The following RDH13 variants were observed in gnomAD, a reference collection of about 807,000 sequenced individuals.
The protein encoded by RDH13 is retinol dehydrogenase 13 (all-trans and 9-cis).
A neutral mutation model predicts 28.3 loss-of-function variants in RDH13; 35 were observed. The observed-to-expected ratio is 1.24, with a 90% CI of 0.95 to 1.64. The LOEUF (loss-of-function observed/expected upper bound fraction) is 1.64. Among genes scored for constraint, RDH13 ranks in the 40% most tolerant of loss-of-function variants. The pLI is 0.00. For synonymous variants in RDH13, 229 were observed against 198.5 expected (o/e 1.15, Z -1.29); for missense variants, 514 against 446.3 (o/e 1.15, Z -1.37).
Position 55,063,108 on chromosome 19 carries a change from GAGGA to G in RDH13, c.-80_-77del. 8.3e-7 allele frequency: 1 copy of G among 1,211,756 alleles called. No individual in the cohort carries two copies. The highest frequency in any genetic ancestry group is 1.1e-6 in the Non-Finnish European group (1 of 949,200). 75.1% of individuals were successfully genotyped at this position (1,211,756 alleles called of 1,614,324 possible). On this transcript the variant is annotated 5_prime_UTR_variant, in exon 1 of 7. Transcript: ENST00000415061. ...GCACACCAGCCGCCTGGGTAGCTCC[GAGGA>G]AGAGCGCGCGACGCAGCCACAGGCG...
downstream of RDH13, among the ~76,000 whole-genome samples, chr19:55,043,576 G>A (rs568331826): frequency 1.3e-5 from 2 of 152,152 alleles, no homozygotes; most frequent in South Asian, 4.2e-4. Context: ...GCTGAGGCAT[G>A]AGAATCGCTT....
At chr19:55,063,171 G>C (rs934353499), upstream of RDH13, 5 of 738,378 alleles carry the variant, frequency 6.8e-6, no homozygotes, top group African/African-American at 1.8e-5. Context: ...GCCCGCGTCC[G>C]GAACTGGGCT....
downstream of RDH13, chr19:55,041,541 GTAT>G (rs10554639): frequency 0.66 from 100,425 of 151,966 alleles, 33,484 homozygotes; most frequent in East Asian, 0.82. Flanking sequence ...CAAGAAAATG[GTAT>G]TATTCTTAGG....
At position 55,063,063 on chromosome 19, in the gene RDH13, G is replaced by GCGTCC. The variant is rs1555831241; in HGVS notation, c.-32_-31insGGACG. 12 of 1,334,882 alleles carry GCGTCC rather than the reference G, an allele frequency of 9.0e-6. 1 individual carries two copies. The highest frequency in any genetic ancestry group is 2.2e-4 in the Middle Eastern group (1 of 4,530). The allele number at this position is 1,334,882 out of a possible 1,614,324, so 82.7% of individuals were successfully genotyped here. Reference sequence around the variant, plus strand: ...GCCGGGGACAGGCGTCAGGCGTCAGGGGTCGGCGCGGAGCTTGCTGCACAC... The same window carrying GCGTCC: ...GCCGGGGACAGGCGTCAGGCGTCAGGCGTCCGGTCGGCGCGGAGCTTGCTGCACAC... On this transcript the variant is annotated 5_prime_UTR_variant, in exon 1 of 7. Coordinates refer to ENST00000415061, the MANE Select transcript of RDH13 (RefSeq NM_001145971.2).
intron 3 of RDH13, among the ~76,000 whole-genome samples, chr19:55,052,373 C>T (rs1270345346): frequency 2.7e-5 from 4 of 147,970 alleles, no homozygotes; most frequent in African/African-American, 5.0e-5. Context: ...GAAGAAACCC[C>T]GTCTCTACTA....
chr19:55,040,746 T>TGTTGG (rs1285618699), downstream of RDH13: 1 of 152,260 alleles, frequency 6.6e-6, no homozygotes, highest in Non-Finnish European at 1.5e-5. Flanking sequence ...TCTTAAGAAT[T>TGTTGG]GTTGGCGTTT....
chr19:55,065,930 C>A (rs950843877), upstream of RDH13, among the ~76,000 whole-genome samples: 1 of 152,262 alleles, frequency 6.6e-6, no homozygotes, highest in Non-Finnish European at 1.5e-5. Flanking sequence ...GTTGGCCAGG[C>A]TGGTTTTGAA....
chr19:55,045,930 T>C (rs148150858), intron 6 of RDH13, among the ~76,000 whole-genome samples: 1,596 of 82,712 alleles, frequency 0.019, 37 homozygotes, highest in African/African-American at 0.071. Flanking sequence ...TGGGTGACAA[T>C]AGCAAGACTT....
chr19:55,045,044 C>A lies in RDH13; in HGVS notation c.*30G>T, dbSNP rs965918567. On this transcript the variant is annotated 3_prime_UTR_variant, in exon 7 of 7. Transcript: ENST00000415061. The stretch of plus-strand genomic sequence containing the variant: ...GACAGCTGTCCTCGGTCTGGAGGCG[C>A]CATCCTGGCTTTCAAATCTGCTCCA... 1 of 1,503,528 alleles carries A rather than the reference C, an allele frequency of 6.7e-7. No individual in the cohort carries two copies. Among genetic ancestry groups the A allele is most frequent in the Non-Finnish European group, 9.1e-7 (1 of 1,104,708 alleles). 93.1% of individuals were successfully genotyped at this position (1,503,528 alleles called of 1,614,324 possible).
At position 55,045,058 on chromosome 19, in the gene RDH13, A is replaced by G; in HGVS notation, c.*16T>C. On this transcript the variant is annotated 3_prime_UTR_variant, in exon 7 of 7. Transcript: ENST00000415061. Reference sequence around the variant, plus strand: ...GTCTGGAGGCGCCATCCTGGCTTTCAAATCTGCTCCAGAGGTTATCTGGGG... The same window carrying G: ...GTCTGGAGGCGCCATCCTGGCTTTCGAATCTGCTCCAGAGGTTATCTGGGG... The G allele has an allele frequency of 6.4e-7, 1 of 1,555,702 alleles. No individual in the cohort carries two copies. The highest frequency in any genetic ancestry group is 8.7e-7 in the Non-Finnish European group (1 of 1,147,558).
At chr19:55,056,086 G>A (rs1040449350) in intron 3 of RDH13, among the ~76,000 whole-genome samples, 11 of 151,692 alleles carry the variant, frequency 7.3e-5, no homozygotes, top group African/African-American at 9.7e-5. Context: ...ATCGGGAGAC[G>A]GAGGTTGCAG....
At chr19:55,062,858 G>A (rs544725189) in intron 1 of RDH13, 110 bp downstream of exon 1, 3 of 983,800 alleles carry the variant, frequency 3.0e-6, no homozygotes, top group East Asian at 6.6e-5. Flanking sequence ...TGCGGGTCGG[G>A]AGCTACGGGG....
At chr19:55,047,787 G>A (rs2075287989) in intron 5 of RDH13, among the ~76,000 whole-genome samples, 1 of 152,194 alleles carries the variant, frequency 6.6e-6, no homozygotes, top group Non-Finnish European at 1.5e-5. Flanking sequence ...ACTCTGACCA[G>A]CTCCCAGTGG....
chr19:55,040,503 G>A (rs797004850), downstream of RDH13: 7 of 152,304 alleles, frequency 4.6e-5, no homozygotes, highest in South Asian at 2.1e-4. Context: ...AACTATCAGG[G>A]TGTTGATATC....
intron 3 of RDH13, among the ~76,000 whole-genome samples, chr19:55,051,729 GTTT>G (rs79209121): frequency 7.0e-6 from 1 of 143,526 alleles, no homozygotes; most frequent in African/African-American, 2.5e-5. Flanking sequence ...CGCCCAGCCT[GTTT>G]TTTTTTTTTT....
At chr19:55,051,289 C>G (rs1056478323) in intron 3 of RDH13, among the ~76,000 whole-genome samples, 6 of 152,298 alleles carry the variant, frequency 3.9e-5, no homozygotes, top group South Asian at 4.1e-4. Flanking sequence ...AGGCAGGGCC[C>G]ACGTGCGGAG....
At chr19:55,045,736 G>C (rs192187097) in intron 6 of RDH13, among the ~76,000 whole-genome samples, 1 of 148,132 alleles carries the variant, frequency 6.8e-6, no homozygotes, top group Non-Finnish European at 1.5e-5. Flanking sequence ...ACCTGGGGTC[G>C]GGAGTTCCAG....
chr19:55,039,169 C>T (rs539133864), exon 3 of RDH13: 2 of 152,308 alleles, frequency 1.3e-5, no homozygotes, highest in East Asian at 1.9e-4. Flanking sequence ...CCCACATGTC[C>T]ATCAACAACA....
rs956317781 is a variant in RDH13 at position 55,044,373 on chromosome 19, G to C, written c.*701C>G. ...AGCAAGTTTGAGAGTCTGCAGTTTG[G>C]ACTACCATGAGAATTGATAGGAAGG... On this transcript the variant is annotated 3_prime_UTR_variant, in exon 7 of 7. Transcript: ENST00000415061. 1.3e-5 allele frequency: 2 copies of C among 151,776 alleles called. No homozygotes were observed. The highest frequency in any genetic ancestry group is 6.6e-5 in the Admixed American group (1 of 15,196). 9.4% of individuals were successfully genotyped at this position (151,776 alleles called of 1,614,324 possible).
Sources: allele counts gnomAD v4.1 joint callset (sites outside exome capture counted in the v4.1 genomes callset), GRCh38; gene constraint gnomAD v4.1.1; transcripts MANE v1.5; gene names NCBI Gene and HGNC (gene_info 2026-07-23, HGNC 2026-07-21).